Variants in MRPL43 observed in about 807,000 individuals in gnomAD.
The protein encoded by MRPL43 is large ribosomal subunit protein mL43.
A neutral mutation model predicts 12.7 loss-of-function variants in MRPL43; 9 were observed. The observed-to-expected ratio is 0.71, with a 90% CI of 0.43 to 1.24. MRPL43 has a LOEUF of 1.24. MRPL43 is among the 50% of genes most tolerant of loss of function. The probability of loss-of-function intolerance (pLI) is 0.00; values close to 1 mark genes in which losing one functional copy is unlikely to be tolerated. For synonymous variants in MRPL43, 116 were observed against 96.4 expected, an observed-to-expected ratio of 1.20 and a Z score of -1.19; for missense variants, 211 against 229.2, an observed-to-expected ratio of 0.92 and a Z score of 0.51.
Position 100,987,122 on chromosome 10 carries a change from G to T in MRPL43, c.206C>A (p.Pro69Gln), listed in dbSNP as rs1410956813. 6.2e-7 allele frequency: 1 copy of T among 1,613,698 alleles called. No homozygotes were observed. Among genetic ancestry groups the T allele is most frequent in the Non-Finnish European group, 8.5e-7 (1 of 1,180,036 alleles). ...GGCCACTACTCTGGGCACGCAGCAC[G>T]GACGCGAGTTTACATATATTACGAC... ...PGVVIYVNSR[P>Q]CCVPRVVAEY... The change falls in exon 2 of 3, where the codon CCG (proline) becomes CAG (glutamine). Residue 69 changes from proline (P) to glutamine (Q), a missense_variant. By Grantham distance (76) the Pro-to-Gln change is moderately conservative (BLOSUM62 -1). Transcript: ENST00000318364.
chr10:100,983,897 A>G (rs200801941), downstream of MRPL43: 117 of 1,528,274 alleles, frequency 7.7e-5, no homozygotes, highest in African/African-American at 1.0e-3. Context: ...CTGGGGAGGG[A>G]GCCCCAGCCC....
downstream of MRPL43, chr10:100,978,589 C>T (rs534321099): frequency 6.8e-6 from 11 of 1,613,996 alleles, no homozygotes; most frequent in Admixed American, 1.7e-5. Flanking sequence ...CCGCCGGAGC[C>T]GCCACCCACA....
downstream of MRPL43, chr10:100,980,292 A>G: frequency 6.2e-7 from 1 of 1,614,160 alleles, no homozygotes; most frequent in Non-Finnish European, 8.5e-7. Flanking sequence ...TTACAGGGAC[A>G]CCTGTCACCA....
downstream of MRPL43, chr10:100,984,065 C>A (rs1851290768): frequency 2.5e-6 from 4 of 1,613,632 alleles, no homozygotes; most frequent in Non-Finnish European, 3.4e-6. Flanking sequence ...CCGAGGAACT[C>A]AGCCGCATCC....
At chr10:100,980,060 T>C, downstream of MRPL43, 2 of 1,613,444 alleles carry the variant, frequency 1.2e-6, no homozygotes, top group South Asian at 1.1e-5. Context: ...GGGTCTGGCC[T>C]TGTGGAGAGG....
chr10:100,984,600 G>A (rs986972740), downstream of MRPL43: 9 of 1,536,218 alleles, frequency 5.9e-6, no homozygotes, highest in East Asian at 4.9e-5. Flanking sequence ...TAAGCCCTGC[G>A]TACATTCACA....
downstream of MRPL43, chr10:100,985,876 CA>C (rs1242432265): frequency 1.3e-5 from 2 of 152,416 alleles, no homozygotes; most frequent in African/African-American, 4.8e-5. Context: ...AGAATTCTTA[CA>C]GGGGTTTCTA....
At position 100,986,865 on chromosome 10, in the gene MRPL43, T is replaced by G; in HGVS notation, c.349A>C (p.Lys117Gln). Reference protein sequence around the residue: ...QSGLDVIRIRKPFHTDNPSIQ... With the variant: ...QSGLDVIRIRQPFHTDNPSIQ... Reference sequence around the variant, plus strand: ...CTAGGGTTGTCGGTGTGGAAGGGCTTGCGGATGCGGATCACGTCCAAGCCC... The same window carrying G: ...CTAGGGTTGTCGGTGTGGAAGGGCTGGCGGATGCGGATCACGTCCAAGCCC... Residue 117 changes from lysine to glutamine, a missense_variant, in exon 3 of 3, where the codon AAG (lysine) becomes CAG (glutamine). Physicochemically the swap from Lys to Gln is moderately conservative, Grantham distance 53 (BLOSUM62 1). Transcript: ENST00000318364. The G allele has an allele frequency of 6.2e-7, 1 of 1,613,658 alleles. No homozygotes were observed. Among genetic ancestry groups the G allele is most frequent in the Non-Finnish European group, 8.5e-7 (1 of 1,180,034 alleles).
chr10:100,987,184 C>T lies in MRPL43; in HGVS notation c.144G>A (p.Glu48=), dbSNP rs1476122760. 1.2e-6 allele frequency: 2 copies of T among 1,613,936 alleles called. No homozygotes were observed. The highest frequency in any genetic ancestry group is 1.7e-5 in the Admixed American group (1 of 60,030). ...GTCGGGCGAAGTCGATCACCTCCCG[C>T]TCCACGAACTCCCTAAGCGACCCGG... ...ASSRGAREFV[E]REVIDFARRN... is the part of the protein sequence containing the mutation. The change falls in exon 2 of 3, where the codon GAG becomes GAA. Residue 48 remains glutamate, a synonymous_variant. Transcript: ENST00000318364.
At chr10:100,983,831 T>C (rs767433560), downstream of MRPL43, 3 of 1,598,274 alleles carry the variant, frequency 1.9e-6, no homozygotes, top group South Asian at 3.4e-5. Context: ...GAGAGGAAGA[T>C]GAGGGTGATG....
downstream of MRPL43, chr10:100,977,970 C>T (rs1850874199): frequency 1.7e-6 from 1 of 573,986 alleles, no homozygotes; most frequent in Admixed American, 3.1e-5. Context: ...CTCCACCTGG[C>T]AAACTTCATT....
chr10:100,978,858 T>C, downstream of MRPL43: 2 of 1,613,876 alleles, frequency 1.2e-6, no homozygotes, highest in East Asian at 2.2e-5. Flanking sequence ...GATGCGGAGT[T>C]TGTGTTCTCC....
chr10:100,986,380 C>T lies in MRPL43; in HGVS notation c.*354G>A, dbSNP rs1590009424. On this transcript the variant is annotated 3_prime_UTR_variant, in exon 3 of 3. Transcript: ENST00000318364. ...GCTCTCCGTAGCTCAGTGGTTGTTC[C>T]AATAAGACATCAGGGATTCTTCAGA... 29 of 1,462,660 alleles carry T rather than the reference C, an allele frequency of 2.0e-5. No homozygotes were observed. Among genetic ancestry groups the T allele is most frequent in the Non-Finnish European group, 2.5e-5 (28 of 1,111,724 alleles). 90.6% of individuals were successfully genotyped at this position (1,462,660 alleles called of 1,614,324 possible). A position where few individuals can be genotyped will look rare whatever the true frequency, so the allele number is the denominator to read the frequency against.
chr10:100,979,002 T>C, downstream of MRPL43: 1 of 1,614,148 alleles, frequency 6.2e-7, no homozygotes, highest in Admixed American at 1.7e-5. Flanking sequence ...GTGGCCCGTG[T>C]GGCTCGTGTC....
downstream of MRPL43, chr10:100,980,523 G>C (rs1851011153): frequency 2.7e-6 from 4 of 1,506,086 alleles, no homozygotes; most frequent in South Asian, 1.1e-5. Flanking sequence ...CTCTTGCAGG[G>C]TGCTGAGAGC....
downstream of MRPL43, chr10:100,985,766 C>T (rs1383957289): frequency 6.6e-6 from 1 of 152,326 alleles, no homozygotes; most frequent in Non-Finnish European, 1.5e-5. Context: ...TCCTCCGCTT[C>T]CATCCTGACT....
chr10:100,985,156 C>T (rs1287105200), downstream of MRPL43: 4 of 407,410 alleles, frequency 9.8e-6, no homozygotes, highest in African/African-American at 2.0e-5. Flanking sequence ...GCATTTGCTT[C>T]CTCTAGACTA....
chr10:100,978,150 G>C, downstream of MRPL43: 1 of 622,982 alleles, frequency 1.6e-6, no homozygotes, highest in South Asian at 1.9e-5. Context: ...CTCAGGGGAT[G>C]CTTAAGTTAT....
downstream of MRPL43, chr10:100,978,491 G>A (rs1424998440): frequency 6.2e-7 from 1 of 1,604,768 alleles, no homozygotes; most frequent in South Asian, 1.1e-5. Context: ...TGTTGAATAT[G>A]ACATGTCTCT....
Sources: gnomAD v4.1 joint callset for allele counts on GRCh38, gnomAD v4.1.1 for gene constraint, MANE v1.5 for transcripts, NCBI Gene and HGNC (gene_info 2026-07-23, HGNC 2026-07-21) for gene names.